ANK2: variants seen among roughly 807,000 people sequenced by gnomAD.
The protein encoded by ANK2 is ankyrin 2, also known as ankyrin-2.
ANK2 carries 83 observed loss-of-function variants against 360.5 expected under a neutral mutation model. The observed-to-expected ratio is 0.23, with a 90% CI of 0.19 to 0.28. The LOEUF is 0.28. Among genes scored for constraint, ANK2 ranks in the 10% least tolerant of loss-of-function variants. ANK2 has a pLI of 1.00. For synonymous variants in ANK2, 1,740 were observed against 1,759.5 expected, an observed-to-expected ratio of 0.99 and a Z score of 0.28; for missense variants, 4,201 against 4,795.7, an observed-to-expected ratio of 0.88 and a Z score of 3.66.
chr4:113,213,962 T>TATTA, intron 4 of ANK2: 1 of 487,682 alleles, frequency 2.1e-6, no homozygotes, highest in East Asian at 3.5e-5. Context: ...TTTATTTTTT[T>TATTA]TTTTTATTTT....
At chr4:113,052,671 G>T (rs1351907398) in intron 1 of ANK2, among the ~76,000 whole-genome samples, 1 of 152,164 alleles carries the variant, frequency 6.6e-6, no homozygotes, top group African/African-American at 2.4e-5. Context: ...CAGTAAGGGA[G>T]CTTGTCGGTG....
intron 1 of ANK2, chr4:113,069,886 CCTTT>C (rs1308116029): frequency 6.6e-6 from 1 of 152,224 alleles, no homozygotes; most frequent in Non-Finnish European, 1.5e-5. Context: ...AGAACCTCTT[CCTTT>C]CTTTCTTCTT....
intron 1 of ANK2, among the ~76,000 whole-genome samples, chr4:112,871,538 T>A (rs920595906): frequency 7.9e-5 from 12 of 152,196 alleles, no homozygotes; most frequent in Admixed American, 1.3e-4. Context: ...CTGTAAAAAA[T>A]TGTGTTATTT....
At position 113,186,587 on chromosome 4, in the gene ANK2, T is replaced by TCTCTCTC. The variant is rs370477795; in HGVS notation, c.187-9781_187-9780insCTCTCTC. 4.5e-3 allele frequency among the ~76,000 whole-genome samples: 209 copies of TCTCTCTC among 46,880 alleles called. 13 individuals carry two copies. The highest frequency in any genetic ancestry group is 0.017 in the African/African-American group (114 of 6,892). 30.8% of individuals were successfully genotyped at this position (46,880 alleles called of 152,430 possible). ...CTCTCTCTCTCTCTCTCTCTCTCTC[T>TCTCTCTC]TCTCTCTCTCTCTCTCTCTCCCTCA... On this transcript the variant is annotated intron_variant, in intron 2 of 45. Coordinates refer to ENST00000357077, the MANE Select transcript of ANK2 (RefSeq NM_001148.6).
At chr4:112,740,727 G>A in the ANK2 span, among the ~76,000 whole-genome samples, 1 of 151,688 alleles carries the variant, frequency 6.6e-6, no homozygotes, top group African/African-American at 2.4e-5. Flanking sequence ...AAAAATTATT[G>A]TAGATGCCAG....
At chr4:112,820,561 G>A (rs756663123) in intron 1 of ANK2, among the ~76,000 whole-genome samples, 2 of 152,090 alleles carry the variant, frequency 1.3e-5, no homozygotes, top group African/African-American at 2.4e-5. Flanking sequence ...TAATTTCACC[G>A]TCTTTCCCGA....
intron 1 of ANK2, among the ~76,000 whole-genome samples, chr4:113,099,279 A>G (rs1397925864): frequency 6.6e-6 from 1 of 151,928 alleles, no homozygotes; most frequent in Non-Finnish European, 1.5e-5. Flanking sequence ...AATAACAAAG[A>G]CCTCTTGGAA....
rs1024403651 is a variant in ANK2, at chr4:113,210,241, T to G, written c.384+11132T>G. Among the ~76,000 whole-genome samples the G allele has an allele frequency of 1.5e-4, 23 of 152,354 alleles. 1 individual carries two copies. The highest frequency in any genetic ancestry group is 1.2e-3 in the Admixed American group (18 of 15,306). ...CCTAAGAGGGGATCCCTGCTCTGTC[T>G]TCTATTTTGGGGATAAAATATTTTG... On this transcript the variant is annotated intron_variant, in intron 4 of 45. Coordinates refer to ENST00000357077, the MANE Select transcript of ANK2 (RefSeq NM_001148.6).
chr4:112,732,684 T>C, the ANK2 span, among the ~76,000 whole-genome samples: 11 of 152,180 alleles, frequency 7.2e-5, no homozygotes, highest in Admixed American at 6.5e-4. Flanking sequence ...CAATTGAGTG[T>C]TGGGACGCAC....
intron 2 of ANK2, among the ~76,000 whole-genome samples, chr4:113,028,831 C>T (rs1361484150): frequency 3.3e-5 from 5 of 152,206 alleles, no homozygotes; most frequent in South Asian, 2.1e-4. Flanking sequence ...CACTAACTCC[C>T]GGGTTGCAGG....
At chr4:112,920,186 G>A (rs2091087812) in intron 2 of ANK2, among the ~76,000 whole-genome samples, 1 of 152,020 alleles carries the variant, frequency 6.6e-6, no homozygotes, top group African/African-American at 2.4e-5. Flanking sequence ...TGATTTATAT[G>A]GCATGTAATA....
chr4:113,174,370 T>G (rs1172326451), intron 1 of ANK2, 46 bp from the exon 2 acceptor site: 1 of 1,472,808 alleles, frequency 6.8e-7, no homozygotes, highest in Admixed American at 1.8e-5. Flanking sequence ...TGGATACATT[T>G]CTATTTCATC....
At chr4:112,730,636 C>CAAAAAA in the ANK2 span, among the ~76,000 whole-genome samples, 25 of 57,846 alleles carry the variant, frequency 4.3e-4, no homozygotes, top group African/African-American at 5.5e-4. Flanking sequence ...GACTCCATCT[C>CAAAAAA]AAAAAAAAAA....
At chr4:112,962,998 A>C (rs923780864) in intron 2 of ANK2, among the ~76,000 whole-genome samples, 13 of 152,156 alleles carry the variant, frequency 8.5e-5, no homozygotes, top group Admixed American at 1.3e-4. Context: ...CTGATTATAT[A>C]CTTTTTCCAT....
chr4:112,874,496 G>A (rs898951587), intron 1 of ANK2, among the ~76,000 whole-genome samples: 1 of 151,524 alleles, frequency 6.6e-6, no homozygotes, highest in African/African-American at 2.4e-5. Context: ...CAAAAAATTA[G>A]CTGGGTGTGC....
chr4:112,715,905 A>C, the ANK2 span, among the ~76,000 whole-genome samples: 1 of 152,228 alleles, frequency 6.6e-6, no homozygotes, highest in Non-Finnish European at 1.5e-5. Context: ...CCTGGGCAAC[A>C]AAGCGAGACT....
rs562483510 is a variant in ANK2, at chr4:113,061,953, A to T, written c.84+12141A>T. Among the ~76,000 whole-genome samples, 3 of 152,274 alleles carry T rather than the reference A, an allele frequency of 2.0e-5. No individual in the cohort carries two copies. In the South Asian group the frequency reaches 6.2e-4, roughly 32 times the overall value. On this transcript the variant is annotated intron_variant, in intron 1 of 45. Transcript: ENST00000357077. The stretch of plus-strand genomic sequence containing the variant: ...ATGCATTGCATGCCTGTATCAAAAT[A>T]TCTTATGTAACCCATAAACATATAC...
At chr4:112,895,687 CTT>C (rs1247999904) in intron 1 of ANK2, among the ~76,000 whole-genome samples, 1 of 152,222 alleles carries the variant, frequency 6.6e-6, no homozygotes, top group East Asian at 1.9e-4. Flanking sequence ...CAAAGGAACA[CTT>C]TTAATTCATA....
intron 2 of ANK2, among the ~76,000 whole-genome samples, chr4:113,025,477 T>C (rs2059082633): frequency 6.6e-6 from 1 of 152,200 alleles, no homozygotes; most frequent in Non-Finnish European, 1.5e-5. Flanking sequence ...CAAATGTACG[T>C]TTCTCTTTGT....
Sources: allele counts gnomAD v4.1 joint callset (sites outside exome capture counted in the v4.1 genomes callset), GRCh38; gene constraint gnomAD v4.1.1; transcripts MANE v1.5; gene names NCBI Gene and HGNC (gene_info 2026-07-23, HGNC 2026-07-21).